SNRPN: variants seen among roughly 807,000 people sequenced by gnomAD.
The protein encoded by SNRPN is small nuclear ribonucleoprotein polypeptide N, also known as small nuclear ribonucleoprotein-associated protein N.
A neutral mutation model predicts 25.2 loss-of-function variants in SNRPN; 7 were observed. That is an observed-to-expected ratio of 0.28 (90% CI 0.16 to 0.52). The LOEUF (loss-of-function observed/expected upper bound fraction) is 0.52. Ranked by LOEUF, SNRPN falls within the 20% of genes least tolerant of loss-of-function variation. The pLI is 0.96. For synonymous variants in SNRPN, 124 were observed against 110.6 expected, an observed-to-expected ratio of 1.12 and a Z score of -0.76; for missense variants, 196 against 322.5, an observed-to-expected ratio of 0.61 and a Z score of 3.00.
At chr15:24,895,661 C>T (rs1410378785) in intron 2 of SNRPN, among the ~76,000 whole-genome samples, 5 of 152,140 alleles carry the variant, frequency 3.3e-5, no homozygotes, top group African/African-American at 9.7e-5. Context: ...ATAAACAAGA[C>T]ACCTCAGTAT....
In SNRPN at chr15:24,958,486, G is replaced by GTTTTTT. The variant is rs71127030; in HGVS notation, c.-391+3453_-391+3458dup. Among the ~76,000 whole-genome samples, 41 of 65,298 alleles carry GTTTTTT rather than the reference G, an allele frequency of 6.3e-4. 2 individuals carry two copies. Among genetic ancestry groups the GTTTTTT allele is most frequent in the Admixed American group, 1.1e-3 (4 of 3,594 alleles). The allele number at this position is 65,298 out of a possible 152,430, so 42.8% of individuals were successfully genotyped here. A position where few individuals can be genotyped will look rare whatever the true frequency, so the allele number is the denominator to read the frequency against. On this transcript the variant is annotated intron_variant, in intron 1 of 9. Transcript: ENST00000390687. ...ATTTCTGGATGCTAGCTGGCTCAAAGTTTTTTTTTTTTTTTTTTTTTTTTT... is the reference window on the plus strand; with the variant it reads ...ATTTCTGGATGCTAGCTGGCTCAAAGTTTTTTTTTTTTTTTTTTTTTTTTTTTTTTT...
At chr15:24,949,454 T>C (rs1285050421) in intron 3 of SNRPN, among the ~76,000 whole-genome samples, 1 of 151,666 alleles carries the variant, frequency 6.6e-6, no homozygotes, top group African/African-American at 2.4e-5. Flanking sequence ...GTTGGAGACC[T>C]CTCTGGGCAA....
intron 1 of SNRPN, among the ~76,000 whole-genome samples, chr15:24,824,346 G>A (rs1462927600): frequency 1.3e-5 from 2 of 152,098 alleles, no homozygotes; most frequent in Non-Finnish European, 2.9e-5. Context: ...GCAAATGAGT[G>A]TCGTCATATT....
At chr15:24,896,709 G>C (rs1389423942) in intron 2 of SNRPN, among the ~76,000 whole-genome samples, 1 of 149,872 alleles carries the variant, frequency 6.7e-6, no homozygotes, top group African/African-American at 2.5e-5. Context: ...GCGAGACTCC[G>C]TCTAAAAAAA....
upstream of SNRPN, among the ~76,000 whole-genome samples, chr15:24,952,405 G>A (rs890657617): frequency 6.6e-6 from 1 of 152,104 alleles, no homozygotes; most frequent in Non-Finnish European, 1.5e-5. Flanking sequence ...GACCTATCAG[G>A]GTCTACTAGC....
chr15:24,896,172 C>A (rs1425173077), intron 2 of SNRPN, among the ~76,000 whole-genome samples: 1 of 152,128 alleles, frequency 6.6e-6, no homozygotes, highest in African/African-American at 2.4e-5. Flanking sequence ...ACCAGCTGGT[C>A]TGATGGGAGA....
chr15:24,968,259 T>C (rs1596288990), intron 3 of SNRPN, 177 bp downstream of exon 3: 3 of 511,590 alleles, frequency 5.9e-6, no homozygotes, highest in Admixed American at 3.3e-5. Context: ...CCTGACACTT[T>C]CGTCATGTTT....
chr15:24,902,648 C>A (rs759089643), intron 2 of SNRPN, among the ~76,000 whole-genome samples: 3 of 152,102 alleles, frequency 2.0e-5, no homozygotes, highest in Non-Finnish European at 4.4e-5. Context: ...CTGGTGGGTT[C>A]GTGGTCTTGC....
intron 2 of SNRPN, among the ~76,000 whole-genome samples, chr15:24,846,820 G>T (rs1269011826): frequency 1.3e-5 from 2 of 152,100 alleles, no homozygotes; most frequent in African/African-American, 4.8e-5. Flanking sequence ...GTTTTCTAAG[G>T]TTCTATTCAG....
In SNRPN at chr15:24,934,045, C is replaced by T. The variant is rs370479121; in HGVS notation, c.-391+13921C>T. On this transcript the variant is annotated intron_variant, in intron 3 of 11. Coordinates refer to the SNRPN transcript ENST00000400097. Reference sequence around the variant, plus strand: ...AGGTGCGGTGGCTCACACCTGTAATCCCATCACTTTGGGAGGCCGAGGCGG... The same window carrying T: ...AGGTGCGGTGGCTCACACCTGTAATTCCATCACTTTGGGAGGCCGAGGCGG... Among the ~76,000 whole-genome samples the T allele has an allele frequency of 8.9e-3, 1,362 of 152,190 alleles. 12 individuals carry two copies. Among genetic ancestry groups the T allele is most frequent in the South Asian group, 0.038 (183 of 4,810 alleles).
intron 2 of SNRPN, among the ~76,000 whole-genome samples, chr15:24,844,003 C>T (rs1320065448): frequency 6.6e-6 from 1 of 151,054 alleles, no homozygotes; most frequent in African/African-American, 2.4e-5. Context: ...ATTCACTTTA[C>T]AAGAAACTGC....
upstream of SNRPN, chr15:24,954,841 T>C: frequency 3.0e-6 from 2 of 663,108 alleles, no homozygotes; most frequent in African/African-American, 1.8e-5. Flanking sequence ...AGTAGCCCCC[T>C]CCCCCCAGGT....
intron 2 of SNRPN, among the ~76,000 whole-genome samples, chr15:24,844,881 T>C (rs1304051545): frequency 1.3e-5 from 2 of 152,218 alleles, no homozygotes; most frequent in Non-Finnish European, 2.9e-5. Context: ...TATATATTGC[T>C]TAACACAAGG....
chr15:24,961,471 G>A (rs1473589075), intron 1 of SNRPN, among the ~76,000 whole-genome samples: 1 of 152,230 alleles, frequency 6.6e-6, no homozygotes, highest in East Asian at 1.9e-4. Context: ...AATATGGCTA[G>A]TCTGGTGTGG....
intron 2 of SNRPN, among the ~76,000 whole-genome samples, chr15:24,915,904 T>C (rs927659265): frequency 6.6e-6 from 1 of 151,960 alleles, no homozygotes; most frequent in African/African-American, 2.4e-5. Context: ...TTTTATTCCT[T>C]GAATAATCAG....
chr15:24,963,892 C>T (rs1236913391), intron 2 of SNRPN, among the ~76,000 whole-genome samples: 2 of 151,720 alleles, frequency 1.3e-5, no homozygotes, highest in East Asian at 1.9e-4. Flanking sequence ...ATTAGCCAGG[C>T]GTGGTGTTGT....
chr15:24,854,408 A>G (rs2053188581), upstream of SNRPN, among the ~76,000 whole-genome samples: 1 of 152,214 alleles, frequency 6.6e-6, no homozygotes, highest in South Asian at 2.1e-4. Flanking sequence ...CTATATGATA[A>G]GGAAGACAAA....
chr15:24,887,808 G>A (rs756131869), intron 2 of SNRPN, among the ~76,000 whole-genome samples: 2 of 152,068 alleles, frequency 1.3e-5, no homozygotes, highest in Non-Finnish European at 2.9e-5. Flanking sequence ...AGGATGGTCT[G>A]TGTCCGCTGG....
intron 1 of SNRPN, among the ~76,000 whole-genome samples, chr15:24,828,638 C>T (rs2050268742): frequency 6.6e-6 from 1 of 151,968 alleles, no homozygotes; most frequent in Non-Finnish European, 1.5e-5. Context: ...TGCTTGAGCC[C>T]AGGAATTGGA....
Sources: gnomAD v4.1 joint callset for allele counts (sites outside exome capture counted in the v4.1 genomes callset) on GRCh38, gnomAD v4.1.1 for gene constraint, MANE v1.5 for transcripts, NCBI Gene and HGNC (gene_info 2026-07-23, HGNC 2026-07-21) for gene names.